Variants in HDAC6 observed in about 807,000 individuals in gnomAD.
HDAC6 encodes protein deacetylase HDAC6.
Under a neutral mutation model 88.9 loss-of-function variants are expected in HDAC6, and 5 were observed. The observed-to-expected ratio is 0.06, with a 90% confidence interval of 0.03 to 0.12. HDAC6 has a LOEUF of 0.12. HDAC6 is among the 10% of genes least tolerant of loss of function. The pLI, the probability that HDAC6 is intolerant of heterozygous loss-of-function variation, is 1.00. For synonymous variants in HDAC6, 378 were observed against 398.0 expected (o/e 0.95, Z 0.60); for missense variants, 706 against 1,014.4 (o/e 0.70, Z 4.13).
chrX:48,819,331 C>G (rs2063041898), intron 22 of HDAC6: 1 of 117,387 alleles, frequency 8.5e-6, no homozygotes, highest in African/African-American at 3.3e-5. Context: ...CTCTGTGTGA[C>G]CATCTTCTCT....
Position 48,824,878 on chromosome X carries a change from A to G in HDAC6, c.*266A>G, listed in dbSNP as rs1257928791. The G allele has an allele frequency of 1.3e-5, 14 of 1,114,477 alleles. No homozygotes were observed. Among genetic ancestry groups the G allele is most frequent in the Non-Finnish European group, 1.7e-5 (14 of 848,209 alleles). The allele number at this position is 1,114,477 out of a possible 1,213,427, so 91.8% of individuals were successfully genotyped here. ...AAAGGGGGGCAGCTCAGTGGCCCCA[A>G]GAGGGAGCTGATATCATGAGGATAA... On this transcript the variant is annotated 3_prime_UTR_variant, in exon 29 of 29. Coordinates refer to ENST00000334136, the MANE Select transcript of HDAC6 (RefSeq NM_006044.4).
Position 48,803,178 on chromosome X carries a change from T to C in HDAC6, c.273T>C (p.Asp91=). Reference sequence around the variant, plus strand: ...TGGCTGGCACTGGCTTGGTGTTGGATGAGCAGTTAAATGAATTCCATTGCC... The same window carrying C: ...TGGCTGGCACTGGCTTGGTGTTGGACGAGCAGTTAAATGAATTCCATTGCC... ...EALAGTGLVL[D]EQLNEFHCLW... Residue 91 remains aspartate, a synonymous_variant, in exon 4 of 29, where the codon GAT becomes GAC. Coordinates refer to ENST00000334136, the MANE Select transcript of HDAC6 (RefSeq NM_006044.4). 2 of 1,210,444 alleles carry C rather than the reference T, an allele frequency of 1.7e-6. No individual in the cohort carries two copies. The highest frequency in any genetic ancestry group is 2.2e-6 in the Non-Finnish European group (2 of 894,603).
chrX:48,816,910 C>G (rs2062994658), intron 19 of HDAC6: 3 of 338,103 alleles, frequency 8.9e-6, no homozygotes, highest in African/African-American at 8.1e-5. Context: ...GCCATGATTG[C>G]ACCACTGCAC....
At chrX:48,809,439 A>T (rs1249021226) in intron 10 of HDAC6, among the ~76,000 whole-genome samples, 1 of 111,675 alleles carries the variant, frequency 9.0e-6, no homozygotes, top group Non-Finnish European at 1.9e-5. Context: ...GAGCATCCTT[A>T]ATCTGAAAAC....
In HDAC6 at chrX:48,822,757, A is replaced by G. The variant is rs1557030366; in HGVS notation, c.2475A>G (p.Gln825=). The G allele has an allele frequency of 8.3e-7, 1 of 1,205,483 alleles. No homozygotes were observed. Among genetic ancestry groups the G allele is most frequent in the African/African-American group, 1.7e-5 (1 of 57,376 alleles). Residue 825 remains glutamine, a synonymous_variant, in exon 24 of 29, where the codon CAA becomes CAG. Coordinates refer to ENST00000334136, the MANE Select transcript of HDAC6 (RefSeq NM_006044.4). ...GALASITETI[Q]VHRRYWRSLR... is the part of the protein sequence containing the mutation. The stretch of plus-strand genomic sequence containing the variant: ...TGGCCTCAATCACTGAGACCATCCA[A>G]GTCCATCGCAGATACTGGCGCAGCT...
intron 1 of HDAC6, 92 bp from the exon 2 acceptor site, chrX:48,802,571 A>T: frequency 8.7e-7 from 1 of 1,145,722 alleles, no homozygotes; most frequent in African/African-American, 1.8e-5. Flanking sequence ...GGAATCTAAT[A>T]GAGGGGGCGG....
chrX:48,801,729 C>T, upstream of HDAC6: 2 of 555,681 alleles, frequency 3.6e-6, no homozygotes, highest in Non-Finnish European at 2.5e-6. Flanking sequence ...CGCACCGCCC[C>T]GCCGCTTGTG....
Position 48,823,209 on chromosome X carries a change from C to T in HDAC6, c.2810C>T (p.Thr937Ile). ...AAIGGAMLGQ[T>I]TSEEAVGGAT... is the part of the protein sequence containing the mutation. ...ATTGGGGGAGCCATGCTGGGCCAGACCACCTCAGAGGAGGCTGTCGGGGGA... is the reference window on the plus strand; with the variant it reads ...ATTGGGGGAGCCATGCTGGGCCAGATCACCTCAGAGGAGGCTGTCGGGGGA... The change falls in exon 25 of 29, where the codon ACC becomes ATC. Residue 937 changes from threonine (T) to isoleucine (I), a missense_variant. Around this residue, in one of 9 missense-constraint regions of HDAC6, gnomAD observed 89 missense variants for 90.9 expected, o/e 0.98. Transcript: ENST00000334136. The T allele has an allele frequency of 8.3e-7, 1 of 1,205,326 alleles. No homozygotes were observed. Among genetic ancestry groups the T allele is most frequent in the Non-Finnish European group, 1.1e-6 (1 of 892,403 alleles).
chrX:48,809,233 G>A (rs1388834485), intron 10 of HDAC6, among the ~76,000 whole-genome samples: 3 of 111,421 alleles, frequency 2.7e-5, no homozygotes, highest in Non-Finnish European at 5.7e-5. Flanking sequence ...TTAAAGTCTG[G>A]TATACACTGC....
chrX:48,813,965 C>T (rs1223930163), intron 10 of HDAC6: 2 of 116,882 alleles, frequency 1.7e-5, no homozygotes, highest in African/African-American at 3.3e-5. Context: ...GCCCCATGCT[C>T]CATTTGGGCC....
Position 48,817,401 on chromosome X carries a change from T to C in HDAC6, c.1867T>C (p.Phe623Leu). 1 of 1,210,838 alleles carries C rather than the reference T, an allele frequency of 8.3e-7. No homozygotes were observed. The highest frequency in any genetic ancestry group is 1.1e-6 in the Non-Finnish European group (1 of 895,200). The change falls in exon 20 of 29, where the codon TTC becomes CTC. Residue 623 changes from phenylalanine (F) to leucine (L), a missense_variant. Physicochemically the swap from Phe to Leu is conservative, Grantham distance 22. This residue lies in a region of HDAC6 where 138 missense variants were observed against 303.5 expected (regional missense o/e 0.45). Coordinates refer to ENST00000334136, the MANE Select transcript of HDAC6 (RefSeq NM_006044.4). ...GGATGCAGCTTGCGGTTTTTGCTTT[T>C]TCAACTCTGTGGCTGTGGCTGCTCG... is the stretch of plus-strand genomic sequence containing the variant. ...EQDAACGFCF[F>L]NSVAVAARHA...
intron 6 of HDAC6, 133 bp downstream of exon 6, chrX:48,805,804 CTG>C (rs1253681835): frequency 2.5e-5 from 13 of 516,299 alleles, no homozygotes; most frequent in Non-Finnish European, 3.0e-5. Context: ...CTTTCTGAAT[CTG>C]TGTCATCGCC....
intron 22 of HDAC6, 75 bp downstream of exon 22, chrX:48,818,487 A>ATG (rs2063027739): frequency 6.9e-6 from 6 of 873,038 alleles, no homozygotes; most frequent in Admixed American, 7.0e-5. Context: ...CCTCCTTGGC[A>ATG]TGTGTGTGTG....
Position 48,824,820 on chromosome X carries a change from G to C in HDAC6, c.*208G>C. On this transcript the variant is annotated 3_prime_UTR_variant, in exon 29 of 29. Transcript: ENST00000334136. ...GTGGATCTCCCCCTGCCCATTGCCTGCTTGAGGGGCACCACTACTCCAGCC... is the reference window on the plus strand; with the variant it reads ...GTGGATCTCCCCCTGCCCATTGCCTCCTTGAGGGGCACCACTACTCCAGCC... The C allele has an allele frequency of 9.0e-7, 1 of 1,110,354 alleles. No homozygotes were observed. Among genetic ancestry groups the C allele is most frequent in the Non-Finnish European group, 1.2e-6 (1 of 849,694 alleles). 91.5% of individuals were successfully genotyped at this position (1,110,354 alleles called of 1,213,427 possible). A position where few individuals can be genotyped will look rare whatever the true frequency, so the allele number is the denominator to read the frequency against.
intron 19 of HDAC6, 66 bp from the exon 20 acceptor site, chrX:48,817,251 CAAAAAAAAA>C: frequency 1.2e-6 from 1 of 826,927 alleles, no homozygotes; most frequent in Non-Finnish European, 1.5e-6. Context: ...GACTCCGTCT[CAAAAAAAAA>C]AAAAAAAAAG....
Position 48,823,685 on chromosome X carries a change from C to A in HDAC6, c.3203C>A (p.Ser1068Tyr). The A allele has an allele frequency of 8.3e-7, 1 of 1,207,744 alleles. No individual in the cohort carries two copies. Among genetic ancestry groups the A allele is most frequent in the Middle Eastern group, 2.3e-4 (1 of 4,337 alleles). The change falls in exon 26 of 29, where the codon TCT (serine) becomes TAT (tyrosine). Residue 1068 changes from serine (S) to tyrosine (Y), a missense_variant. Ser to Tyr is a moderately radical substitution (Grantham distance 144, BLOSUM62 -2). Transcript: ENST00000334136. ...CTGCGTGTCCAGGGGGCCTCAGAAT[C>A]TCAGGCCCCAGGAGAGGAGAACCTA... ...LGSESQGASESQAPGEENLLG... is the reference protein window; with the variant it reads ...LGSESQGASEYQAPGEENLLG...
chrX:48,805,302 G>A (rs1486796677), intron 4 of HDAC6, 136 bp from the exon 5 acceptor site: 3 of 482,676 alleles, frequency 6.2e-6, no homozygotes, highest in African/African-American at 2.4e-5. Context: ...ACACACCAGA[G>A]CTGATGGGAG....
intron 4 of HDAC6, among the ~76,000 whole-genome samples, chrX:48,805,179 C>A (rs2062794766): frequency 9.0e-6 from 1 of 111,493 alleles, no homozygotes; most frequent in Non-Finnish European, 1.9e-5. Flanking sequence ...AGCTGCTATG[C>A]ACAGAAAGGA....
intron 23 of HDAC6, 59 bp from the exon 24 acceptor site, chrX:48,822,561 C>T: frequency 2.1e-6 from 2 of 957,354 alleles, no homozygotes; most frequent in Non-Finnish European, 2.9e-6. Flanking sequence ...GACATGTTGT[C>T]CTCCAAATTC....
Sources: allele counts gnomAD v4.1 joint callset (sites outside exome capture counted in the v4.1 genomes callset), GRCh38; gene constraint gnomAD v4.1.1; regional missense constraint gnomAD v4.1.1; transcripts MANE v1.5; gene names NCBI Gene and HGNC (gene_info 2026-07-23, HGNC 2026-07-21).